The following TRAT1 variants were observed in gnomAD, a reference collection of about 807,000 sequenced individuals.
The protein encoded by TRAT1 is T cell receptor associated transmembrane adaptor 1.
TRAT1 carries 20 observed loss-of-function variants against 20.0 expected under a neutral mutation model. The ratio of observed to expected loss-of-function variants is 1.00; its 90% confidence interval spans 0.70 to 1.45. The LOEUF (loss-of-function observed/expected upper bound fraction) is 1.45. Ranked by LOEUF, TRAT1 falls within the 40% of genes most tolerant of loss-of-function variation. The probability of loss-of-function intolerance (pLI) is 0.00; values close to 1 mark genes in which losing one functional copy is unlikely to be tolerated. For synonymous variants in TRAT1, 77 were observed against 74.2 expected (o/e 1.04, Z -0.20); for missense variants, 237 against 224.1 (o/e 1.06, Z -0.37).
intron 3 of TRAT1, 91 bp from the exon 4 acceptor site, chr3:108,846,977 G>T: frequency 1.1e-6 from 1 of 914,006 alleles, no homozygotes. Context: ...ATAGGCAATA[G>T]TTCACTTAAT....
chr3:108,837,753 A>T lies in TRAT1; in HGVS notation c.119-1181A>T, dbSNP rs138464457. Among the ~76,000 whole-genome samples the T allele has an allele frequency of 7.4e-4, 112 of 152,284 alleles. 2 individuals are homozygous for T. The East Asian group carries it at 0.021, about 28-fold the overall frequency. ...AAAAATAAGCCATTCAAATATAATAAACATTGTGCTGTATGTGTGCATCTA... is the reference window on the plus strand; with the variant it reads ...AAAAATAAGCCATTCAAATATAATATACATTGTGCTGTATGTGTGCATCTA... On this transcript the variant is annotated intron_variant, in intron 2 of 5. Transcript: ENST00000295756.
Position 108,845,631 on chromosome 3 carries a change from C to G in TRAT1, c.153-1437C>G, listed in dbSNP as rs572401671. 2.6e-5 allele frequency among the ~76,000 whole-genome samples: 4 copies of G among 152,104 alleles called. No homozygotes were observed. In the South Asian group the frequency reaches 8.3e-4, roughly 32 times the overall value. On this transcript the variant is annotated intron_variant, in intron 3 of 5. Coordinates refer to ENST00000295756, the MANE Select transcript of TRAT1 (RefSeq NM_016388.4). ...CTGTTATTTTTTTAATACCTACGTA[C>G]TATTTACATATACTGTGTCTTTTTT...
At position 108,830,787 on chromosome 3, in the gene TRAT1, CATTTTGACAA is replaced by C. The variant is rs1945785619; in HGVS notation, c.118+12_118+21del. The C allele has an allele frequency of 6.3e-7, 1 of 1,584,582 alleles. No homozygotes were observed. Among genetic ancestry groups the C allele is most frequent in the Non-Finnish European group, 8.7e-7 (1 of 1,153,224 alleles). ...GTGGAAAAGCAACGACAAGGTAAGA[CATTTTGACAA>C]ATTTCACATGGTACCTGCTTGAATG... is the stretch of plus-strand genomic sequence containing the variant. On this transcript the variant is annotated splice_region_variant and intron_variant, in intron 2 of 5. Transcript: ENST00000295756.
intron 2 of TRAT1, among the ~76,000 whole-genome samples, chr3:108,837,130 T>C (rs777973000): frequency 1.3e-4 from 20 of 152,346 alleles, no homozygotes; most frequent in Middle Eastern, 3.4e-3. Flanking sequence ...CTATGCAATA[T>C]GTTTTAGCCT....
At position 108,853,731 on chromosome 3, in the gene TRAT1, C is replaced by A; in HGVS notation, c.415C>A (p.Gln139Lys). 5 of 1,614,156 alleles carry A rather than the reference C, an allele frequency of 3.1e-6. No homozygotes were observed. The highest frequency in any genetic ancestry group is 3.4e-6 in the Non-Finnish European group (4 of 1,180,010). ...TTTCTCAGACAAGGATGGAGATGAG[C>A]AACTACATGCAATAGATGCCAGCGT... is the stretch of plus-strand genomic sequence containing the variant. ...THFSDKDGDE[Q>K]LHAIDASVSK... Residue 139 changes from glutamine to lysine, a missense_variant, in exon 6 of 6, where the codon CAA (glutamine) becomes AAA (lysine). By Grantham distance (53) the Gln-to-Lys change is moderately conservative. Transcript: ENST00000295756.
At chr3:108,833,374 C>T (rs1160860706) in intron 2 of TRAT1, among the ~76,000 whole-genome samples, 1 of 151,990 alleles carries the variant, frequency 6.6e-6, no homozygotes, top group Non-Finnish European at 1.5e-5. Context: ...GCTGAAATAG[C>T]GCCACTGCAC....
chr3:108,830,596 C>T (rs762348602), intron 1 of TRAT1, 74 bp from the exon 2 acceptor site: 6 of 922,616 alleles, frequency 6.5e-6, no homozygotes, highest in African/African-American at 1.6e-5. Flanking sequence ...ACAGCTTTAA[C>T]TGTGGCAATA....
Position 108,840,336 on chromosome 3 carries a change from G to A in TRAT1, c.152+1369G>A, listed in dbSNP as rs146731008. Among the ~76,000 whole-genome samples the A allele has an allele frequency of 6.3e-4, 96 of 152,122 alleles. 1 individual carries two copies. The highest frequency in any genetic ancestry group is 3.4e-3 in the Middle Eastern group (1 of 294). ...GATGAAAATCCTATATAATCACACA[G>A]TAAGAGCTAATCTCTTTAATGATCT... On this transcript the variant is annotated intron_variant, in intron 3 of 5. Transcript: ENST00000295756.
intron 1 of TRAT1, among the ~76,000 whole-genome samples, chr3:108,826,259 C>T (rs376299595): frequency 3.3e-5 from 4 of 121,216 alleles, no homozygotes; most frequent in East Asian, 5.7e-4. Flanking sequence ...CTCTCATTCC[C>T]TTTTCCACAG....
intron 5 of TRAT1, among the ~76,000 whole-genome samples, chr3:108,853,198 G>A (rs1218934788): frequency 1.3e-5 from 2 of 152,128 alleles, no homozygotes; most frequent in Non-Finnish European, 2.9e-5. Context: ...CAATTGTTAG[G>A]TACATGTAAA....
chr3:108,844,974 G>T (rs1204448783), intron 3 of TRAT1, among the ~76,000 whole-genome samples: 1 of 151,876 alleles, frequency 6.6e-6, no homozygotes, highest in Non-Finnish European at 1.5e-5. Flanking sequence ...GTACTTACTG[G>T]TTAGAGAATT....
chr3:108,836,147 C>T (rs1444226380), intron 2 of TRAT1, among the ~76,000 whole-genome samples: 3 of 152,120 alleles, frequency 2.0e-5, no homozygotes, highest in South Asian at 2.1e-4. Context: ...CCCGATCTCC[C>T]GACCTCGTGA....
At chr3:108,841,656 T>TTC (rs1231565138) in intron 3 of TRAT1, among the ~76,000 whole-genome samples, 2 of 152,162 alleles carry the variant, frequency 1.3e-5, no homozygotes, top group African/African-American at 2.4e-5. Context: ...AAGGAATTGC[T>TTC]TCTCTCATCT....
rs1055402750 is a variant in TRAT1 at position 108,854,666 on chromosome 3, T to C, written c.*789T>C. The C allele has an allele frequency of 1.2e-4, 18 of 152,174 alleles. No individual in the cohort carries two copies. Among genetic ancestry groups the C allele is most frequent in the African/African-American group, 4.3e-4 (18 of 41,464 alleles). 9.4% of individuals were successfully genotyped at this position (152,174 alleles called of 1,614,324 possible). ...ACTTTCTTTCCAGTCAACAATATAT[T>C]GTGGATTTATTTTCACTGTTATATT... On this transcript the variant is annotated 3_prime_UTR_variant, in exon 6 of 6. Coordinates refer to ENST00000295756, the MANE Select transcript of TRAT1 (RefSeq NM_016388.4).
chr3:108,853,815 A>T lies in TRAT1; in HGVS notation c.499A>T (p.Ile167Phe). The T allele has an allele frequency of 6.2e-7, 1 of 1,614,156 alleles. No homozygotes were observed. The highest frequency in any genetic ancestry group is 1.1e-5 in the South Asian group (1 of 91,080). ...SPESQAVEEN[I>F]HDDPIRLFGL... ...AGAAAGCCAGGCAGTAGAGGAAAAC[A>T]TTCATGATGATCCCATCAGACTGTT... The change falls in exon 6 of 6, where the codon ATT (isoleucine) becomes TTT (phenylalanine). Residue 167 changes from isoleucine (I) to phenylalanine (F), a missense_variant. Transcript: ENST00000295756.
chr3:108,832,293 A>G (rs895173009), intron 2 of TRAT1, among the ~76,000 whole-genome samples: 1 of 152,194 alleles, frequency 6.6e-6, no homozygotes, highest in Non-Finnish European at 1.5e-5. Flanking sequence ...CAGAAACCCA[A>G]CACTCTTTTT....
rs772552907 is a variant in TRAT1, at chr3:108,830,674, C to T, written c.12C>T (p.Ile4=). Residue 4 remains isoleucine, a synonymous_variant, in exon 2 of 6, where the codon ATC becomes ATT. Coordinates refer to ENST00000295756, the MANE Select transcript of TRAT1 (RefSeq NM_016388.4). MSG[I]SGCPFFLWGL... ...TATGTTTATTTTAATTTCCAGGAAT[C>T]TCTGGGTGCCCCTTTTTCCTCTGGG... 1.2e-6 allele frequency: 2 copies of T among 1,607,438 alleles called. No individual in the cohort carries two copies. The highest frequency in any genetic ancestry group is 3.3e-5 in the Admixed American group (2 of 60,004).
chr3:108,849,397 C>A, intron 5 of TRAT1, 143 bp downstream of exon 5: 1 of 616,006 alleles, frequency 1.6e-6, no homozygotes, highest in South Asian at 2.4e-5. Context: ...AACTCAGGGT[C>A]ATGTAAACAG....
intron 1 of TRAT1, among the ~76,000 whole-genome samples, chr3:108,826,294 A>G (rs1185596410): frequency 2.0e-5 from 3 of 152,110 alleles, no homozygotes; most frequent in Non-Finnish European, 4.4e-5. Context: ...TCCAAAGCTA[A>G]TATTACTATT....
Sources: allele counts gnomAD v4.1 joint callset (sites outside exome capture counted in the v4.1 genomes callset), GRCh38; gene constraint gnomAD v4.1.1; transcripts MANE v1.5; gene names NCBI Gene and HGNC (gene_info 2026-07-23, HGNC 2026-07-21).